THADA: variants seen among roughly 807,000 people sequenced by gnomAD.
THADA encodes THADA armadillo repeat containing.
THADA carries 213 observed loss-of-function variants against 219.8 expected under a neutral mutation model. The observed-to-expected ratio is 0.97, with a 90% CI of 0.87 to 1.09. THADA has a LOEUF of 1.09. Among genes scored for constraint, THADA ranks in the 50% least tolerant of loss-of-function variants. The probability of loss-of-function intolerance (pLI) is 0.00; values close to 1 mark genes in which losing one functional copy is unlikely to be tolerated. For synonymous variants in THADA, 1,018 were observed against 828.9 expected (o/e 1.23, Z -3.92); for missense variants, 2,956 against 2,311.3 (o/e 1.28, Z -5.72).
At chr2:43,359,125 T>C (rs1369127700) in intron 29 of THADA, among the ~76,000 whole-genome samples, 1 of 152,174 alleles carries the variant, frequency 6.6e-6, no homozygotes, top group Non-Finnish European at 1.5e-5. Context: ...ACAGCTGGTG[T>C]TTGTGGAATA....
chr2:43,524,170 G>C (rs1017008561), intron 22 of THADA, among the ~76,000 whole-genome samples: 4 of 152,150 alleles, frequency 2.6e-5, no homozygotes, highest in African/African-American at 9.7e-5. Context: ...TAAATAGAAA[G>C]CACGACATAA....
At chr2:43,361,585 G>A (rs1053813467) in intron 29 of THADA, among the ~76,000 whole-genome samples, 1 of 152,154 alleles carries the variant, frequency 6.6e-6, no homozygotes, top group African/African-American at 2.4e-5. Context: ...TTTTTTGGCA[G>A]GTGTTTTGAC....
Position 43,347,078 on chromosome 2 carries a change from T to C in THADA, c.4228-2841A>G, listed in dbSNP as rs6735870. 2.0e-4 allele frequency among the ~76,000 whole-genome samples: 30 copies of C among 152,152 alleles called. 1 individual carries two copies. In the South Asian group the frequency reaches 5.8e-3, roughly 29 times the overall value. On this transcript the variant is annotated intron_variant, in intron 29 of 37. Transcript: ENST00000405975. ...ACTCCTCATCCCAGTGGATGCCTCA[T>C]CTGATGGTGGAGGCAGGAAGGCTAG...
At chr2:43,276,689 G>A (rs955607263) in intron 36 of THADA, among the ~76,000 whole-genome samples, 2 of 152,188 alleles carry the variant, frequency 1.3e-5, no homozygotes, top group Admixed American at 6.5e-5. Context: ...TCCCACAGCA[G>A]ATAAAGGTCT....
At chr2:43,575,162 A>G (rs1699727480) in intron 10 of THADA, 135 bp from the exon 11 acceptor site, 1 of 704,132 alleles carries the variant, frequency 1.4e-6, no homozygotes, top group Non-Finnish European at 2.2e-6. Context: ...TTACAAGAAC[A>G]AAAAACTACA....
chr2:43,328,359 C>T (rs765147003), intron 30 of THADA, among the ~76,000 whole-genome samples: 17 of 152,178 alleles, frequency 1.1e-4, no homozygotes, highest in East Asian at 7.7e-4. Flanking sequence ...GGAGGTGTGA[C>T]GGCAGAGTTG....
chr2:43,472,904 T>C (rs910719597), intron 26 of THADA, among the ~76,000 whole-genome samples: 1 of 151,958 alleles, frequency 6.6e-6, no homozygotes, highest in South Asian at 2.1e-4. Context: ...GAATAAAATA[T>C]GCTATAAGAG....
At chr2:43,468,902 C>CG (rs1558809699) in intron 26 of THADA, among the ~76,000 whole-genome samples, 1 of 152,032 alleles carries the variant, frequency 6.6e-6, no homozygotes, top group Non-Finnish European at 1.5e-5. Context: ...AACTGAGGCC[C>CG]GGGGGACTAA....
Position 43,586,462 on chromosome 2 carries a change from G to T in THADA, c.485-13C>A. 1 of 1,551,170 alleles carries T rather than the reference G, an allele frequency of 6.4e-7. No individual in the cohort carries two copies. The highest frequency in any genetic ancestry group is 8.7e-7 in the Non-Finnish European group (1 of 1,150,518). Reference sequence around the variant, plus strand: ...AGAAAATGAAGCACTGAAACAAAAAGAATATGACAAATAAGAATTTAAAAC... The same window carrying T: ...AGAAAATGAAGCACTGAAACAAAAATAATATGACAAATAAGAATTTAAAAC... On this transcript the variant is annotated splice_polypyrimidine_tract_variant and intron_variant, in intron 6 of 37. Transcript: ENST00000405975.
chr2:43,254,661 T>C (rs373043073), intron 36 of THADA, among the ~76,000 whole-genome samples: 1 of 152,112 alleles, frequency 6.6e-6, no homozygotes, highest in African/African-American at 2.4e-5. Context: ...ATTCTGCCCA[T>C]CCTTTAAGGT....
rs118057830 is a variant in THADA at position 43,243,304 on chromosome 2, A to T, written c.5297-10422T>A. On this transcript the variant is annotated intron_variant, in intron 36 of 37. Coordinates refer to ENST00000405975, the MANE Select transcript of THADA (RefSeq NM_022065.5). ...GGTACATCTGCCCGTGTCTGGAGAC[A>T]TTTTTGGTTGTCAGAGTCAGAGTTG... Among the ~76,000 whole-genome samples, 214 of 152,266 alleles carry T rather than the reference A, an allele frequency of 1.4e-3. 6 individuals are homozygous for T. The East Asian group carries it at 0.038, about 27-fold the overall frequency.
intron 29 of THADA, among the ~76,000 whole-genome samples, chr2:43,359,429 C>T (rs1669240348): frequency 6.6e-6 from 1 of 152,198 alleles, no homozygotes; most frequent in Admixed American, 6.5e-5. Flanking sequence ...CCGGTAATCC[C>T]AGGACTTTGG....
intron 25 of THADA, among the ~76,000 whole-genome samples, chr2:43,494,558 A>G (rs1688036384): frequency 6.6e-6 from 1 of 152,174 alleles, no homozygotes; most frequent in Non-Finnish European, 1.5e-5. Flanking sequence ...GAGTTATTTC[A>G]TCTCTCTGAG....
chr2:43,410,430 G>A (rs1029735544), intron 28 of THADA, among the ~76,000 whole-genome samples: 1 of 152,164 alleles, frequency 6.6e-6, no homozygotes, highest in Non-Finnish European at 1.5e-5. Context: ...AAGGAGACTC[G>A]TGCATGATTG....
At chr2:43,456,317 T>C (rs998030552) in intron 26 of THADA, among the ~76,000 whole-genome samples, 15 of 152,192 alleles carry the variant, frequency 9.9e-5, no homozygotes, top group African/African-American at 3.6e-4. Context: ...CAATGGCAAT[T>C]AAAAAATAAT....
intron 24 of THADA, among the ~76,000 whole-genome samples, chr2:43,499,501 C>T (rs1000027260): frequency 1.3e-5 from 2 of 152,060 alleles, no homozygotes; most frequent in Non-Finnish European, 1.5e-5. Context: ...CTCAGCCTCC[C>T]GAGTAGCTGC....
At chr2:43,247,395 G>A (rs1669261252) in intron 36 of THADA, among the ~76,000 whole-genome samples, 1 of 152,128 alleles carries the variant, frequency 6.6e-6, no homozygotes, top group South Asian at 2.1e-4. Flanking sequence ...CTAAAACTGG[G>A]CATGAAAAGT....
chr2:43,459,329 C>T (rs186217949), intron 26 of THADA, among the ~76,000 whole-genome samples: 52 of 151,838 alleles, frequency 3.4e-4, no homozygotes, highest in South Asian at 8.3e-4. Context: ...GGATGTCTTC[C>T]TTGACTCCCC....
intron 24 of THADA, 21 bp downstream of exon 24, chr2:43,505,601 T>C (rs1234911512): frequency 6.7e-7 from 1 of 1,495,030 alleles, no homozygotes; most frequent in South Asian, 1.2e-5. Flanking sequence ...CACTGGAGGG[T>C]TTGTGTATTT....
Sources: allele counts gnomAD v4.1 joint callset (sites outside exome capture counted in the v4.1 genomes callset), GRCh38; gene constraint gnomAD v4.1.1; transcripts MANE v1.5; gene names NCBI Gene and HGNC (gene_info 2026-07-23, HGNC 2026-07-21).